The following PINX1 variants were observed in gnomAD, a reference collection of about 807,000 sequenced individuals.
PINX1 encodes PIN2 (TERF1) interacting telomerase inhibitor 1.
PINX1 carries 34 observed loss-of-function variants against 25.4 expected under a neutral mutation model. The ratio of observed to expected loss-of-function variants is 1.34; its 90% confidence interval spans 1.02 to 1.78. The LOEUF is 1.78. PINX1 is among the 40% of genes most tolerant of loss of function. The probability of loss-of-function intolerance (pLI) is 0.00; values close to 1 mark genes in which losing one functional copy is unlikely to be tolerated. For missense variants in PINX1, 592 were observed against 404.9 expected, an observed-to-expected ratio of 1.46 and a Z score of -3.97; for synonymous variants, 197 against 147.7, an observed-to-expected ratio of 1.33 and a Z score of -2.42.
intron 6 of PINX1, among the ~76,000 whole-genome samples, chr8:10,796,423 T>C (rs1300057694): frequency 1.3e-5 from 2 of 152,128 alleles, no homozygotes; most frequent in Non-Finnish European, 2.9e-5. Flanking sequence ...GCCTTTACCA[T>C]TAAGACTCAC....
chr8:10,830,426 G>C (rs1482467990), intron 4 of PINX1, among the ~76,000 whole-genome samples: 1 of 152,192 alleles, frequency 6.6e-6, no homozygotes, highest in Admixed American at 6.5e-5. Context: ...CTCCAAGCAG[G>C]ACTGTGTCTT....
At chr8:10,781,712 A>G (rs1382159037) in intron 6 of PINX1, among the ~76,000 whole-genome samples, 1 of 152,220 alleles carries the variant, frequency 6.6e-6, no homozygotes, top group Non-Finnish European at 1.5e-5. Context: ...GTGTGGAGAA[A>G]CAGGAACCCT....
chr8:10,834,424 C>T (rs529908949), intron 2 of PINX1: 7 of 480,640 alleles, frequency 1.5e-5, no homozygotes, highest in East Asian at 7.5e-5. Context: ...AGGGAAAAAG[C>T]GTGTAGCCTA....
intron 6 of PINX1, among the ~76,000 whole-genome samples, chr8:10,785,365 G>A (rs1002624684): frequency 6.6e-6 from 1 of 152,156 alleles, no homozygotes. Context: ...ACCAGTCTAC[G>A]AAAAGATAAG....
intron 6 of PINX1, among the ~76,000 whole-genome samples, chr8:10,795,549 C>T (rs1802058953): frequency 6.6e-6 from 1 of 152,224 alleles, no homozygotes; most frequent in Admixed American, 6.5e-5. Context: ...TACAGGCACA[C>T]ACTACCATGC....
At chr8:10,769,566 G>A (rs1456423124) in intron 6 of PINX1, among the ~76,000 whole-genome samples, 1 of 152,228 alleles carries the variant, frequency 6.6e-6, no homozygotes, top group African/African-American at 2.4e-5. Flanking sequence ...CACCCAAAGT[G>A]ATCAGGCCTG....
intron 1 of PINX1, among the ~76,000 whole-genome samples, chr8:10,834,984 A>C (rs887348345): frequency 6.6e-6 from 1 of 152,246 alleles, no homozygotes; most frequent in Non-Finnish European, 1.5e-5. Flanking sequence ...TAGACATATA[A>C]GTTGACCTCT....
At chr8:10,809,402 A>G (rs1802555454) in intron 6 of PINX1, among the ~76,000 whole-genome samples, 1 of 152,240 alleles carries the variant, frequency 6.6e-6, no homozygotes, top group Non-Finnish European at 1.5e-5. Context: ...ACAGGCCCCA[A>G]AAGTCAATAT....
intron 1 of PINX1, among the ~76,000 whole-genome samples, chr8:10,837,835 AAGG>A (rs1798449368): frequency 1.3e-5 from 2 of 152,190 alleles, no homozygotes; most frequent in Admixed American, 1.3e-4. Context: ...GGTTGATCAG[AAGG>A]AGAGTATTGT....
intron 6 of PINX1, among the ~76,000 whole-genome samples, chr8:10,808,180 A>T (rs1802515481): frequency 6.6e-6 from 1 of 152,256 alleles, no homozygotes; most frequent in Non-Finnish European, 1.5e-5. Context: ...TCATTATACA[A>T]TACAATCAGT....
chr8:10,832,873 G>C lies in PINX1; in HGVS notation c.222+19C>G, dbSNP rs781646846. 6.7e-7 allele frequency: 1 copy of C among 1,483,116 alleles called. No homozygotes were observed. Among genetic ancestry groups the C allele is most frequent in the South Asian group, 1.2e-5 (1 of 86,586 alleles). The allele number at this position is 1,483,116 out of a possible 1,614,324, so 91.9% of individuals were successfully genotyped here. On this transcript the variant is annotated intron_variant, in intron 3 of 6. Coordinates refer to ENST00000314787, the MANE Select transcript of PINX1 (RefSeq NM_017884.6). ...GCCAATTATGCAAAGACACCCAGGA[G>C]GCACACACTGCTGCTCACTTCATTA...
At chr8:10,810,217 C>A (rs1023660813) in intron 6 of PINX1, among the ~76,000 whole-genome samples, 1 of 152,224 alleles carries the variant, frequency 6.6e-6, no homozygotes, top group Non-Finnish European at 1.5e-5. Context: ...AGGGGACACA[C>A]GTCCAAACCA....
At chr8:10,781,483 A>T (rs1018973127) in intron 6 of PINX1, among the ~76,000 whole-genome samples, 3 of 152,212 alleles carry the variant, frequency 2.0e-5, no homozygotes, top group Non-Finnish European at 2.9e-5. Context: ...CTTAAAAAGA[A>T]CTCAAGCAAC....
chr8:10,817,105 G>A (rs1797721861), intron 6 of PINX1, among the ~76,000 whole-genome samples: 1 of 152,136 alleles, frequency 6.6e-6, no homozygotes, highest in Non-Finnish European at 1.5e-5. Context: ...CATGGTTAAC[G>A]CCAACGTTCT....
chr8:10,820,160 A>G, intron 6 of PINX1, 33 bp downstream of exon 6: 6 of 1,331,864 alleles, frequency 4.5e-6, no homozygotes, highest in Non-Finnish European at 6.5e-6. Flanking sequence ...ACAGTATTAA[A>G]GCGGAACACG....
At position 10,820,176 on chromosome 8, in the gene PINX1, T is replaced by C. The variant is rs763135354; in HGVS notation, c.471+17A>G. 146 of 1,520,738 alleles carry C rather than the reference T, an allele frequency of 9.6e-5. 1 individual carries two copies. Among genetic ancestry groups the C allele is most frequent in the Non-Finnish European group, 9.1e-6 (10 of 1,095,598 alleles). The allele number at this position is 1,520,738 out of a possible 1,614,324, so 94.2% of individuals were successfully genotyped here. A position where few individuals can be genotyped will look rare whatever the true frequency, so the allele number is the denominator to read the frequency against. ...CAGTATTAAAGCGGAACACGGAAAC[T>C]GTACGTGGCTTTATACCTCGGGAGT... On this transcript the variant is annotated intron_variant, in intron 6 of 6. Coordinates refer to ENST00000314787, the MANE Select transcript of PINX1 (RefSeq NM_017884.6).
chr8:10,801,717 A>T (rs528689430), intron 6 of PINX1, among the ~76,000 whole-genome samples: 2 of 152,316 alleles, frequency 1.3e-5, no homozygotes, highest in South Asian at 4.1e-4. Flanking sequence ...ACCTTACAGA[A>T]CTACAGCAAA....
At chr8:10,786,092 G>C (rs1013692565) in intron 6 of PINX1, among the ~76,000 whole-genome samples, 4 of 152,062 alleles carry the variant, frequency 2.6e-5, no homozygotes, top group African/African-American at 9.7e-5. Context: ...TAGTGCCTTT[G>C]GTTTATAATC....
Position 10,789,556 on chromosome 8 carries a change from G to A in PINX1, c.472-23640C>T, listed in dbSNP as rs796474596. ...CTCATCTTAGCCTCTGTCCAGAGGGGAGCTCCCTTGCAATGTAGACAGGGC... is the reference window on the plus strand; with the variant it reads ...CTCATCTTAGCCTCTGTCCAGAGGGAAGCTCCCTTGCAATGTAGACAGGGC... On this transcript the variant is annotated intron_variant, in intron 6 of 6. Coordinates refer to ENST00000314787, the MANE Select transcript of PINX1 (RefSeq NM_017884.6). 5.3e-5 allele frequency among the ~76,000 whole-genome samples: 8 copies of A among 152,288 alleles called. 1 individual carries two copies. Among genetic ancestry groups the A allele is most frequent in the African/African-American group, 1.9e-4 (8 of 41,560 alleles).
Sources: gnomAD v4.1 joint callset for allele counts (sites outside exome capture counted in the v4.1 genomes callset) on GRCh38, gnomAD v4.1.1 for gene constraint, MANE v1.5 for transcripts, NCBI Gene and HGNC (gene_info 2026-07-23, HGNC 2026-07-21) for gene names.